ZNF273: variants seen among roughly 807,000 people sequenced by gnomAD.
The protein encoded by ZNF273 is zinc finger protein 9.
ZNF273 carries 11 observed loss-of-function variants against 14.9 expected under a neutral mutation model. That is an observed-to-expected ratio of 0.74 (90% CI 0.46 to 1.22). The LOEUF is 1.22. Ranked by LOEUF, ZNF273 falls within the 50% of genes most tolerant of loss-of-function variation. The pLI, the probability that ZNF273 is intolerant of heterozygous loss-of-function variation, is 0.00. For synonymous variants in ZNF273, 199 were observed against 223.9 expected (o/e 0.89, Z 0.99); for missense variants, 577 against 660.6 (o/e 0.87, Z 1.39).
downstream of ZNF273, among the ~76,000 whole-genome samples, chr7:64,935,908 A>G (rs919630846): frequency 6.6e-5 from 10 of 152,226 alleles, no homozygotes; most frequent in African/African-American, 2.2e-4. Context: ...TTGATAAAAA[A>G]TCAATAGCTT....
intron 3 of ZNF273, among the ~76,000 whole-genome samples, chr7:64,921,370 T>C (rs1284886637): frequency 1.3e-5 from 2 of 152,022 alleles, no homozygotes; most frequent in Admixed American, 1.3e-4. Context: ...CCTTAAGTTT[T>C]CTTTGTTTTA....
downstream of ZNF273, chr7:64,889,804 A>T (rs537376645): frequency 4.0e-5 from 39 of 977,666 alleles, no homozygotes; most frequent in South Asian, 9.9e-4. The surrounding 1 kb of genome is among the most constrained non-coding windows in gnomAD (Gnocchi z 4.2). Context: ...CATTTTATTT[A>T]AAAAACCTGA....
chr7:64,923,354 T>C (rs1794602161), intron 3 of ZNF273: 2 of 455,544 alleles, frequency 4.4e-6, no homozygotes, highest in Non-Finnish European at 8.8e-6. Context: ...TTTATTTTTA[T>C]TTTTTATACA....
chr7:64,926,941 C>G (rs2129103836), intron 3 of ZNF273, among the ~76,000 whole-genome samples: 1 of 152,298 alleles, frequency 6.6e-6, no homozygotes, highest in South Asian at 2.1e-4. Context: ...TCTCAGCTGA[C>G]TCAAACTGTT....
downstream of ZNF273, chr7:64,888,890 C>T (rs1319048228): frequency 9.1e-6 from 9 of 985,284 alleles, no homozygotes; most frequent in Non-Finnish European, 1.1e-5. Flanking sequence ...AAACGGAGGC[C>T]CTGAGTGCCA....
exon 3 of ZNF273, chr7:64,879,702 C>G (rs1455358152): frequency 6.6e-6 from 1 of 152,208 alleles, no homozygotes; most frequent in Non-Finnish European, 1.5e-5. Flanking sequence ...AATTCCATCT[C>G]AAAGAGACCC....
At position 64,929,092 on chromosome 7, in the gene ZNF273, T is replaced by G. The variant is rs981944632; in HGVS notation, c.*54T>G. On this transcript the variant is annotated 3_prime_UTR_variant, in exon 4 of 4. Transcript: ENST00000476120. ...AGCGGTTGTCACACTTGATTGTATATAAGATAATTCATACTGGAGAAAACT... is the reference window on the plus strand; with the variant it reads ...AGCGGTTGTCACACTTGATTGTATAGAAGATAATTCATACTGGAGAAAACT... 4.1e-6 allele frequency: 2 copies of G among 493,532 alleles called. No homozygotes were observed. 30.6% of individuals were successfully genotyped at this position (493,532 alleles called of 1,614,324 possible).
chr7:64,903,322 C>A lies in ZNF273; in HGVS notation c.5C>A (p.Ser2Tyr), dbSNP rs1792858125. Residue 2 changes from serine (S) to tyrosine (Y), a missense_variant, in exon 1 of 4, where the codon TCC (serine) becomes TAC (tyrosine). This residue lies in a region of ZNF273 where 162 missense variants were observed against 203.5 expected (regional missense o/e 0.80). Transcript: ENST00000476120. ...AGGTCTCGTCTTCACTGCTCTATGT[C>A]CTCTGCTCCTAGAGGTCCACCTTCT... M[S>Y]SAPRGPPSVA... is the part of the protein sequence containing the mutation. 6.2e-7 allele frequency: 1 copy of A among 1,611,676 alleles called. No homozygotes were observed. The highest frequency in any genetic ancestry group is 1.3e-5 in the African/African-American group (1 of 74,862).
chr7:64,908,018 C>G (rs956548731), intron 1 of ZNF273, among the ~76,000 whole-genome samples: 2 of 152,234 alleles, frequency 1.3e-5, no homozygotes, highest in African/African-American at 2.4e-5. Context: ...CATTTTTGAT[C>G]CTGGTATTTT....
intron 1 of ZNF273, among the ~76,000 whole-genome samples, chr7:64,909,919 TC>T (rs1384991262): frequency 6.6e-6 from 1 of 152,174 alleles, no homozygotes; most frequent in Non-Finnish European, 1.5e-5. Context: ...CTGTGGTTTT[TC>T]TTTACGTTTC....
downstream of ZNF273, chr7:64,889,730 C>A: frequency 2.0e-6 from 2 of 985,892 alleles, no homozygotes; most frequent in Non-Finnish European, 2.4e-6. This position sits in a 1 kb window ranked among gnomAD's most constrained non-coding sequence, Gnocchi z 4.2. Flanking sequence ...AGCTGGACAC[C>A]GAGCACCATC....
downstream of ZNF273, among the ~76,000 whole-genome samples, chr7:64,934,817 A>C (rs1037268941): frequency 3.9e-5 from 6 of 152,084 alleles, no homozygotes; most frequent in African/African-American, 1.4e-4. Context: ...TAAATTTTAG[A>C]TATATTTAAT....
intron 1 of ZNF273, among the ~76,000 whole-genome samples, chr7:64,912,829 T>TTTTTTTTTTTTG: frequency 2.2e-5 from 2 of 92,136 alleles, no homozygotes; most frequent in Non-Finnish European, 2.4e-5. Flanking sequence ...CATTTTAGTT[T>TTTTTTTTTTTTG]TTTTTTTTTT....
intron 3 of ZNF273, among the ~76,000 whole-genome samples, chr7:64,922,264 C>T (rs1794521121): frequency 6.6e-6 from 1 of 151,776 alleles, no homozygotes; most frequent in Non-Finnish European, 1.5e-5. Context: ...CATTTCAGTC[C>T]CTCAAGTATC....
chr7:64,900,668 G>T (rs75441972), upstream of ZNF273, among the ~76,000 whole-genome samples: 340 of 152,270 alleles, frequency 2.2e-3, 8 homozygotes, highest in East Asian at 0.062. Context: ...AAAAATTAGG[G>T]TGGGGGCGGC....
chr7:64,931,736 A>T (rs1794995959), downstream of ZNF273, among the ~76,000 whole-genome samples: 1 of 152,198 alleles, frequency 6.6e-6, no homozygotes, highest in Non-Finnish European at 1.5e-5. Flanking sequence ...GACAAACATG[A>T]CAGTGCTTGA....
chr7:64,903,534 A>G, intron 1 of ZNF273, 115 bp downstream of exon 1: 1 of 1,081,756 alleles, frequency 9.2e-7, no homozygotes, highest in Non-Finnish European at 1.4e-6. Flanking sequence ...ATCCGCGGCC[A>G]GGAGTTCTCC....
intron 1 of ZNF273, among the ~76,000 whole-genome samples, chr7:64,908,068 A>T (rs570954087): frequency 3.3e-5 from 5 of 152,146 alleles, no homozygotes; most frequent in Non-Finnish European, 7.3e-5. Flanking sequence ...GTCTCTGGGG[A>T]TATCCCCACC....
chr7:64,896,644 G>A (rs1454781753), intron 3 of ZNF273, among the ~76,000 whole-genome samples: 5 of 151,940 alleles, frequency 3.3e-5, no homozygotes, highest in Non-Finnish European at 7.4e-5. Flanking sequence ...AATGCTTATA[G>A]CTACTATGTA....
Sources: allele counts gnomAD v4.1 joint callset (sites outside exome capture counted in the v4.1 genomes callset), GRCh38; gene constraint gnomAD v4.1.1; regional missense constraint gnomAD v4.1.1; non-coding constraint Gnocchi (gnomAD v3.1); transcripts MANE v1.5; gene names NCBI Gene and HGNC (gene_info 2026-07-23, HGNC 2026-07-21).